The following ADAM10 variants were observed in gnomAD, a reference collection of about 807,000 sequenced individuals.
ADAM10 encodes disintegrin and metalloproteinase domain-containing protein 10.
In ADAM10, 17 loss-of-function variants were observed where a neutral mutation model predicts 90.1. The observed-to-expected ratio is 0.19, with a 90% CI of 0.13 to 0.28. ADAM10 has a LOEUF of 0.28. Ranked by LOEUF, ADAM10 falls within the 10% of genes least tolerant of loss-of-function variation. The probability of loss-of-function intolerance (pLI) is 1.00; values close to 1 mark genes in which losing one functional copy is unlikely to be tolerated. For missense variants in ADAM10, 610 were observed against 914.3 expected (o/e 0.67, Z 4.29); for synonymous variants, 310 against 298.6 (o/e 1.04, Z -0.40).
chr15:58,623,084 A>G (rs1895834880), intron 10 of ADAM10, among the ~76,000 whole-genome samples: 1 of 152,184 alleles, frequency 6.6e-6, no homozygotes, highest in Non-Finnish European at 1.5e-5. Flanking sequence ...TCAACACAGG[A>G]ACCCATACAT....
At chr15:58,733,823 T>C (rs1456982325) in intron 1 of ADAM10, among the ~76,000 whole-genome samples, 1 of 151,660 alleles carries the variant, frequency 6.6e-6, no homozygotes, top group Non-Finnish European at 1.5e-5. Context: ...TAACTAGGAG[T>C]ACCAAACCAT....
intron 4 of ADAM10, among the ~76,000 whole-genome samples, chr15:58,665,644 C>A (rs1897061967): frequency 6.6e-6 from 1 of 151,620 alleles, no homozygotes; most frequent in Non-Finnish European, 1.5e-5. Flanking sequence ...GGAAGATACT[C>A]CCCACCCCTC....
At chr15:58,647,181 TC>T (rs1896567015) in intron 5 of ADAM10, among the ~76,000 whole-genome samples, 1 of 151,716 alleles carries the variant, frequency 6.6e-6, no homozygotes, top group South Asian at 2.1e-4. Flanking sequence ...AGAAATTATC[TC>T]TGTTTGATCC....
At chr15:58,700,728 A>C (rs1185496535) in intron 2 of ADAM10, among the ~76,000 whole-genome samples, 17 of 152,264 alleles carry the variant, frequency 1.1e-4, no homozygotes, top group African/African-American at 3.6e-4. Context: ...AAATTATAAT[A>C]ATCAAGGTGA....
chr15:58,688,848 G>A (rs1433075197), intron 2 of ADAM10, among the ~76,000 whole-genome samples: 12 of 143,820 alleles, frequency 8.3e-5, no homozygotes, highest in Admixed American at 2.8e-4. Flanking sequence ...GAATATCAGC[G>A]AACTTGAAGA....
intron 10 of ADAM10, among the ~76,000 whole-genome samples, chr15:58,625,091 G>A (rs1895899106): frequency 6.6e-6 from 1 of 152,138 alleles, no homozygotes; most frequent in Non-Finnish European, 1.5e-5. Flanking sequence ...GATTGAAGAT[G>A]TAATTTCAAT....
At chr15:58,671,506 A>G (rs1162273153) in intron 4 of ADAM10, among the ~76,000 whole-genome samples, 1 of 152,188 alleles carries the variant, frequency 6.6e-6, no homozygotes, top group African/African-American at 2.4e-5. Context: ...AGCTCCGAGT[A>G]TCTCTAGGAC....
intron 14 of ADAM10, among the ~76,000 whole-genome samples, chr15:58,604,982 T>G (rs1895229567): frequency 1.3e-5 from 2 of 152,176 alleles, no homozygotes; most frequent in South Asian, 2.1e-4. Flanking sequence ...TCCAGCAATT[T>G]TCCCTCCTCA....
At position 58,665,969 on chromosome 15, in the gene ADAM10, G is replaced by T. The variant is rs1175182107; in HGVS notation, c.485-772C>A. On this transcript the variant is annotated intron_variant, in intron 4 of 15. Coordinates refer to ENST00000260408, the MANE Select transcript of ADAM10 (RefSeq NM_001110.4). ...TCTCCAATGATTTTTTCCTACCTCA[G>T]TTTCTCATTTCCATAGTTACTCTTC... is the stretch of plus-strand genomic sequence containing the variant. Among the ~76,000 whole-genome samples the T allele has an allele frequency of 2.0e-5, 3 of 151,562 alleles. No homozygotes were observed. In the East Asian group the frequency reaches 5.9e-4, roughly 30 times the overall value.
At chr15:58,643,841 G>T in intron 7 of ADAM10, 45 bp downstream of exon 7, 2 of 1,351,370 alleles carry the variant, frequency 1.5e-6, no homozygotes, top group Non-Finnish European at 2.1e-6. Flanking sequence ...ACATAGTCTG[G>T]ACTGTTTCAC....
At chr15:58,674,335 G>A (rs1489191174) in intron 4 of ADAM10, among the ~76,000 whole-genome samples, 1 of 152,124 alleles carries the variant, frequency 6.6e-6, no homozygotes, top group Non-Finnish European at 1.5e-5. Context: ...AAAACATATA[G>A]TAGAGAGATT....
intron 5 of ADAM10, among the ~76,000 whole-genome samples, chr15:58,650,213 A>C (rs370025839): frequency 6.6e-6 from 1 of 152,100 alleles, no homozygotes; most frequent in South Asian, 2.1e-4. Context: ...TTGTTCTTCC[A>C]TCATGTTGTT....
chr15:58,715,481 G>A (rs773211350), intron 2 of ADAM10, among the ~76,000 whole-genome samples: 4 of 151,536 alleles, frequency 2.6e-5, no homozygotes, highest in Non-Finnish European at 5.9e-5. Context: ...AGATTTCCTG[G>A]TTTCAGGTCC....
At chr15:58,599,562 G>A in intron 15 of ADAM10, 36 bp downstream of exon 15, 1 of 1,607,722 alleles carries the variant, frequency 6.2e-7, no homozygotes. Flanking sequence ...ACAATTCTGA[G>A]TTACATAAAT....
intron 8 of ADAM10, among the ~76,000 whole-genome samples, chr15:58,635,458 T>A (rs1896225811): frequency 6.6e-6 from 1 of 151,976 alleles, no homozygotes; most frequent in African/African-American, 2.4e-5. Context: ...GGTTGAGAAC[T>A]TTTATGATAT....
chr15:58,743,825 C>T (rs1428933090), intron 1 of ADAM10, among the ~76,000 whole-genome samples: 1 of 152,188 alleles, frequency 6.6e-6, no homozygotes, highest in Non-Finnish European at 1.5e-5. Flanking sequence ...AGGCTTGTCT[C>T]GAACTCCTGA....
At chr15:58,693,841 G>T (rs1897897474) in intron 2 of ADAM10, among the ~76,000 whole-genome samples, 1 of 148,446 alleles carries the variant, frequency 6.7e-6, no homozygotes, top group African/African-American at 2.5e-5. Flanking sequence ...CTTATATTCG[G>T]AATATCTTTT....
At chr15:58,627,483 G>T (rs1895981428) in intron 10 of ADAM10, among the ~76,000 whole-genome samples, 1 of 152,160 alleles carries the variant, frequency 6.6e-6, no homozygotes, top group Non-Finnish European at 1.5e-5. Context: ...ATGTTTAGGT[G>T]TGAAGTATAC....
chr15:58,730,736 G>A (rs1040480168), intron 1 of ADAM10, among the ~76,000 whole-genome samples: 17 of 152,302 alleles, frequency 1.1e-4, no homozygotes, highest in Middle Eastern at 3.4e-3. Context: ...GAAGACTGGC[G>A]GGTGGAGTGG....
Sources: gnomAD v4.1 joint callset for allele counts (sites outside exome capture counted in the v4.1 genomes callset) on GRCh38, gnomAD v4.1.1 for gene constraint, MANE v1.5 for transcripts, NCBI Gene and HGNC (gene_info 2026-07-23, HGNC 2026-07-21) for gene names.